NTRK3: variants seen among roughly 807,000 people sequenced by gnomAD.
NTRK3 encodes the protein NT-3 growth factor receptor.
A neutral mutation model predicts 91.7 loss-of-function variants in NTRK3; 24 were observed. That is an observed-to-expected ratio of 0.26 (90% CI 0.19 to 0.37). The LOEUF (loss-of-function observed/expected upper bound fraction) is 0.37, where lower values mean the gene tolerates loss of function less well. Among genes scored for constraint, NTRK3 ranks in the 10% least tolerant of loss-of-function variants. The pLI is 1.00. For synonymous variants in NTRK3, 483 were observed against 404.0 expected, an observed-to-expected ratio of 1.20 and a Z score of -2.34; for missense variants, 880 against 1,068.9, an observed-to-expected ratio of 0.82 and a Z score of 2.46.
At chr15:88,175,974 G>A (rs372269948) in intron 5 of NTRK3, among the ~76,000 whole-genome samples, 2 of 152,086 alleles carry the variant, frequency 1.3e-5, no homozygotes, top group East Asian at 1.9e-4. Flanking sequence ...TGAGCAAGAA[G>A]AACTGAATGA....
intron 13 of NTRK3, among the ~76,000 whole-genome samples, chr15:88,066,547 A>G (rs538659822): frequency 3.3e-5 from 5 of 152,306 alleles, no homozygotes; most frequent in Admixed American, 1.3e-4. Flanking sequence ...CATTTGTCCA[A>G]CAGAACTGCA....
intron 17 of NTRK3, among the ~76,000 whole-genome samples, chr15:87,888,496 C>A (rs2141545163): frequency 6.6e-6 from 1 of 152,270 alleles, no homozygotes; most frequent in African/African-American, 2.4e-5. Flanking sequence ...CCAAATCTGG[C>A]CAAGCCAGAG....
At chr15:88,154,223 T>C (rs1236886233) in intron 5 of NTRK3, among the ~76,000 whole-genome samples, 1 of 151,816 alleles carries the variant, frequency 6.6e-6, no homozygotes, top group African/African-American at 2.4e-5. Flanking sequence ...CTGTGACTAC[T>C]TCTGTGCACC....
At chr15:88,135,169 A>G (rs2151190524) in exon 10 of NTRK3, 1 of 1,614,244 alleles carries the variant, frequency 6.2e-7, no homozygotes, top group Non-Finnish European at 8.5e-7. Context: ...GTTTTTGGCA[A>G]TGAGGGTATA....
At chr15:88,246,427 T>C (rs1357685171) in intron 3 of NTRK3, among the ~76,000 whole-genome samples, 1 of 152,150 alleles carries the variant, frequency 6.6e-6, no homozygotes, top group East Asian at 1.9e-4. Flanking sequence ...TCCGGTAATT[T>C]CCAAGCTTGG....
intron 14 of NTRK3, among the ~76,000 whole-genome samples, chr15:88,025,066 A>T (rs1268248385): frequency 2.0e-5 from 3 of 151,836 alleles, no homozygotes; most frequent in Non-Finnish European, 4.4e-5. Context: ...CACACACACA[A>T]CACATACACT....
exon 19 of NTRK3, chr15:87,868,591 CTCTGTGGAG>C: frequency 4.5e-6 from 1 of 220,724 alleles, no homozygotes; most frequent in East Asian, 6.6e-5. Flanking sequence ...TGCTGAGCAA[CTCTGTGGAG>C]TCTGAAGGTG....
At chr15:88,251,197 G>A (rs981743999) in intron 3 of NTRK3, among the ~76,000 whole-genome samples, 1 of 152,228 alleles carries the variant, frequency 6.6e-6, no homozygotes, top group African/African-American at 2.4e-5. Flanking sequence ...AGGAAGAGGA[G>A]AATAACCACT....
At chr15:88,151,187 G>A (rs567192619) in intron 5 of NTRK3, among the ~76,000 whole-genome samples, 5 of 152,070 alleles carry the variant, frequency 3.3e-5, no homozygotes, top group Admixed American at 6.5e-5. Context: ...AAACTCTTCC[G>A]CAAAATCAAG....
In NTRK3 at chr15:87,963,649, A is replaced by T. The variant is rs144027923; in HGVS notation, c.1586-22896T>A. The stretch of plus-strand genomic sequence containing the variant: ...TCAGTGTTCTGAGCACATTTAAGGT[A>T]GGCTAGTCTAAGCGATGATGGTTGG... On this transcript the variant is annotated intron_variant, in intron 14 of 18. Transcript: ENST00000394480. Among the ~76,000 whole-genome samples the T allele has an allele frequency of 2.3e-4, 35 of 152,340 alleles. 1 individual carries two copies. In the East Asian group the frequency reaches 6.6e-3, roughly 29 times the overall value.
At chr15:88,020,661 GC>G (rs1211492725) in intron 14 of NTRK3, among the ~76,000 whole-genome samples, 1 of 152,254 alleles carries the variant, frequency 6.6e-6, no homozygotes, top group African/African-American at 2.4e-5. Context: ...AAAGATACCT[GC>G]CAAGGTGGTC....
intron 13 of NTRK3, among the ~76,000 whole-genome samples, chr15:88,041,894 T>C (rs768567988): frequency 1.4e-5 from 2 of 141,092 alleles, no homozygotes; most frequent in Non-Finnish European, 3.1e-5. Flanking sequence ...AAATGCCTCC[T>C]CCCCACTCTC....
At chr15:88,161,044 G>A (rs988505637) in intron 5 of NTRK3, among the ~76,000 whole-genome samples, 3 of 152,208 alleles carry the variant, frequency 2.0e-5, no homozygotes, top group Non-Finnish European at 4.4e-5. Flanking sequence ...GCCCAACACA[G>A]TGCTTAGCAC....
intron 6 of NTRK3, among the ~76,000 whole-genome samples, chr15:88,146,225 T>C (rs1169558718): frequency 2.0e-5 from 3 of 152,206 alleles, no homozygotes. Context: ...GATAGGCTAC[T>C]GGGATGCTTG....
chr15:87,996,045 AC>A (rs2075671801), intron 14 of NTRK3, among the ~76,000 whole-genome samples: 1 of 152,070 alleles, frequency 6.6e-6, no homozygotes, highest in East Asian at 1.9e-4. Flanking sequence ...GGAGTTCAAG[AC>A]CAGCCTGGCC....
In NTRK3 at chr15:88,193,925, C is replaced by A. The variant is rs187426037; in HGVS notation, c.249-9626G>T. ...GCAAATGGTTTAAAAGAATCGTCTA[C>A]ACCTGCAGGCCCTTCTTCCTCGCCT... On this transcript the variant is annotated intron_variant, in intron 3 of 18. Coordinates refer to ENST00000394480, the Ensembl canonical transcript of NTRK3. 2.6e-5 allele frequency among the ~76,000 whole-genome samples: 4 copies of A among 152,350 alleles called. No individual in the cohort carries two copies. The East Asian group carries it at 7.7e-4, about 29-fold the overall frequency.
chr15:88,245,889 A>G (rs2052772473), intron 3 of NTRK3, among the ~76,000 whole-genome samples: 2 of 152,202 alleles, frequency 1.3e-5, no homozygotes, highest in Non-Finnish European at 2.9e-5. Context: ...GTATATGTAA[A>G]TGATCTCTGG....
At chr15:88,139,812 C>T (rs1183418627) in intron 6 of NTRK3, among the ~76,000 whole-genome samples, 1 of 151,878 alleles carries the variant, frequency 6.6e-6, no homozygotes, top group East Asian at 1.9e-4. Flanking sequence ...GCACTCTCCA[C>T]CCCATCTGTC....
intron 13 of NTRK3, among the ~76,000 whole-genome samples, chr15:88,045,787 A>G (rs560363411): frequency 6.4e-4 from 98 of 152,304 alleles, no homozygotes; most frequent in Non-Finnish European, 8.8e-5. Flanking sequence ...GACCTCTGTC[A>G]TCATGTAGCC....
Sources: gnomAD v4.1 joint callset for allele counts (sites outside exome capture counted in the v4.1 genomes callset) on GRCh38, gnomAD v4.1.1 for gene constraint, MANE v1.5 for transcripts, NCBI Gene and HGNC (gene_info 2026-07-23, HGNC 2026-07-21) for gene names.